The following CCDC47 variants were observed in gnomAD, a reference collection of about 807,000 sequenced individuals.
CCDC47 encodes coiled-coil domain containing 47.
A neutral mutation model predicts 60.5 loss-of-function variants in CCDC47; 41 were observed. The ratio of observed to expected loss-of-function variants is 0.68; its 90% CI spans 0.53 to 0.88. The LOEUF (loss-of-function observed/expected upper bound fraction) is 0.88. CCDC47 is among the 40% of genes least tolerant of loss of function. The probability of loss-of-function intolerance (pLI) is 0.00; values close to 1 mark genes in which losing one functional copy is unlikely to be tolerated. For synonymous variants in CCDC47, 195 were observed against 190.7 expected, an observed-to-expected ratio of 1.02 and a Z score of -0.18; for missense variants, 513 against 580.9, an observed-to-expected ratio of 0.88 and a Z score of 1.20.
chr17:63,749,109 T>C (rs1394821289), intron 12 of CCDC47, among the ~76,000 whole-genome samples: 1 of 151,382 alleles, frequency 6.6e-6, no homozygotes, highest in Non-Finnish European at 1.5e-5. Flanking sequence ...CAACTTCAAA[T>C]AATAATTCAA....
chr17:63,767,227 T>A (rs2039304036), intron 1 of CCDC47, among the ~76,000 whole-genome samples: 2 of 152,238 alleles, frequency 1.3e-5, no homozygotes, highest in South Asian at 4.1e-4. Flanking sequence ...TAGGTGGCTG[T>A]GCTTTCATAT....
chr17:63,750,738 C>T (rs2039156763), intron 12 of CCDC47, among the ~76,000 whole-genome samples: 1 of 152,130 alleles, frequency 6.6e-6, no homozygotes, highest in Non-Finnish European at 1.5e-5. Context: ...GCACGCGCCA[C>T]CACGCCCAGC....
chr17:63,751,365 C>CAAAAAAAAAAAAAAAAAAA lies in CCDC47; in HGVS notation c.1371+556_1371+574dup, dbSNP rs59161342. Among the ~76,000 whole-genome samples the CAAAAAAAAAAAAAAAAAAA allele has an allele frequency of 6.1e-4, 18 of 29,512 alleles. 3 individuals are homozygous for CAAAAAAAAAAAAAAAAAAA. The highest frequency in any genetic ancestry group is 9.1e-4 in the Non-Finnish European group (15 of 16,480). The allele number at this position is 29,512 out of a possible 152,430, so 19.4% of individuals were successfully genotyped here. ...TGGGTGACAGAGTGAGACTCCATCT[C>CAAAAAAAAAAAAAAAAAAA]AAAAAAAAAAAAAAAAAAAAAAAAA... On this transcript the variant is annotated intron_variant, in intron 12 of 12. Transcript: ENST00000225726.
Position 63,759,520 on chromosome 17 carries a change from TATA to T in CCDC47, c.735+1391_735+1393del, listed in dbSNP as rs2039236289. Among the ~76,000 whole-genome samples, 2 of 7,830 alleles carry T rather than the reference TATA, an allele frequency of 2.6e-4. 1 individual carries two copies. The highest frequency in any genetic ancestry group is 3.3e-3 in the African/African-American group (2 of 610). 5.1% of individuals were successfully genotyped at this position (7,830 alleles called of 152,430 possible). Reference sequence around the variant, plus strand: ...AAAAAAAAAAAAAAATATATATATATATATATTTATATATATATATATATATAT... The same window carrying T: ...AAAAAAAAAAAAAAATATATATATATTATTTATATATATATATATATATAT... On this transcript the variant is annotated intron_variant, in intron 6 of 12. Coordinates refer to ENST00000225726, the MANE Select transcript of CCDC47 (RefSeq NM_020198.3).
Position 63,756,509 on chromosome 17 carries a change from C to T in CCDC47, c.797G>A (p.Arg266Gln). The T allele has an allele frequency of 6.8e-6, 11 of 1,614,032 alleles. No individual in the cohort carries two copies. Among genetic ancestry groups the T allele is most frequent in the African/African-American group, 2.7e-5 (2 of 75,016 alleles). The part of the protein sequence containing the change: ...MDTYVFAVGT[R>Q]KALVRLQKEM... ...TTTCTGTAGTCGCACCAAGGCTTTCCGTGTGCCAACAGCAAATACGTAGGT... is the reference window on the plus strand; with the variant it reads ...TTTCTGTAGTCGCACCAAGGCTTTCTGTGTGCCAACAGCAAATACGTAGGT... The change falls in exon 7 of 13, where the codon CGG (arginine) becomes CAG (glutamine). Residue 266 changes from arginine (R) to glutamine (Q), a missense_variant. By Grantham distance (43) the Arg-to-Gln change is conservative. Transcript: ENST00000225726.
At chr17:63,751,763 C>T (rs915451722) in intron 12 of CCDC47, 177 bp downstream of exon 12, 9 of 697,322 alleles carry the variant, frequency 1.3e-5, no homozygotes, top group East Asian at 1.1e-4. Flanking sequence ...CAGTGTGGCA[C>T]GGCTTGAACA....
chr17:63,762,426 A>G (rs145904221), intron 4 of CCDC47, among the ~76,000 whole-genome samples: 1 of 152,324 alleles, frequency 6.6e-6, no homozygotes, highest in East Asian at 1.9e-4. Flanking sequence ...AAGTTTTAAC[A>G]TTTCTGCCCT....
chr17:63,753,904 G>C (rs1194910547), intron 9 of CCDC47, among the ~76,000 whole-genome samples: 1 of 152,062 alleles, frequency 6.6e-6, no homozygotes, highest in Non-Finnish European at 1.5e-5. Context: ...TCAGGAGTTC[G>C]AGACCAGCCT....
chr17:63,752,877 AG>A, intron 9 of CCDC47, 78 bp from the exon 10 acceptor site: 1 of 1,549,984 alleles, frequency 6.5e-7, no homozygotes, highest in East Asian at 2.4e-5. Context: ...CAATACACTT[AG>A]ATGAACAGAT....
intron 6 of CCDC47, among the ~76,000 whole-genome samples, chr17:63,760,120 A>T (rs2039246698): frequency 6.6e-6 from 1 of 151,856 alleles, no homozygotes; most frequent in Non-Finnish European, 1.5e-5. Context: ...GTGACAAAGG[A>T]CACAATTTGC....
At chr17:63,760,784 A>T in intron 6 of CCDC47, 130 bp downstream of exon 6, 1 of 627,426 alleles carries the variant, frequency 1.6e-6, no homozygotes, top group South Asian at 2.2e-5. Context: ...GGTTGCAGTG[A>T]GCCAAGATCA....
intron 3 of CCDC47, among the ~76,000 whole-genome samples, 190 bp from the exon 4 acceptor site, chr17:63,764,380 G>A (rs1423017218): frequency 6.6e-6 from 1 of 152,242 alleles, no homozygotes. Context: ...ATTCTTTAAG[G>A]AAATATAAGG....
intron 6 of CCDC47, among the ~76,000 whole-genome samples, chr17:63,759,527 T>TTA (rs770930100): frequency 0.018 from 71 of 3,932 alleles, 2 homozygotes; most frequent in South Asian, 0.048. Flanking sequence ...ATATATATAT[T>TTA]TATATATATA....
At chr17:63,772,388 G>A (rs2144504568) in intron 1 of CCDC47, among the ~76,000 whole-genome samples, 1 of 151,546 alleles carries the variant, frequency 6.6e-6, no homozygotes, top group South Asian at 2.1e-4. Context: ...CAAGTAGCTG[G>A]GACTACAGGC....
intron 12 of CCDC47, chr17:63,747,268 G>A (rs1472388769): frequency 1.0e-6 from 1 of 984,800 alleles, no homozygotes; most frequent in Non-Finnish European, 1.2e-6. Flanking sequence ...TGTACCCAGG[G>A]AACACTTAGC....
At chr17:63,767,689 G>A (rs1254138584) in intron 1 of CCDC47, among the ~76,000 whole-genome samples, 1 of 151,596 alleles carries the variant, frequency 6.6e-6, no homozygotes, top group Non-Finnish European at 1.5e-5. Context: ...GGTACATACT[G>A]GTCTCTGCTG....
intron 1 of CCDC47, among the ~76,000 whole-genome samples, chr17:63,767,374 A>C (rs2039304882): frequency 6.6e-6 from 1 of 152,236 alleles, no homozygotes. Flanking sequence ...TGCATTAACA[A>C]ATATAATGAT....
At chr17:63,754,309 T>C (rs562123461) in intron 9 of CCDC47, 124 bp downstream of exon 9, 2 of 666,824 alleles carry the variant, frequency 3.0e-6, no homozygotes, top group South Asian at 3.3e-5. Context: ...AAGGAAAATG[T>C]GGAGGCCTGT....
intron 4 of CCDC47, chr17:63,761,830 C>T: frequency 1.0e-6 from 1 of 978,710 alleles, no homozygotes. Flanking sequence ...TAGATTAGCA[C>T]TGTTCGTTTT....
Sources: gnomAD v4.1 joint callset for allele counts (sites outside exome capture counted in the v4.1 genomes callset) on GRCh38, gnomAD v4.1.1 for gene constraint, MANE v1.5 for transcripts, NCBI Gene and HGNC (gene_info 2026-07-23, HGNC 2026-07-21) for gene names.